DDX41: variants seen among roughly 807,000 people sequenced by gnomAD.
DDX41 encodes probable ATP-dependent RNA helicase DDX41.
DDX41 carries 50 observed loss-of-function variants against 78.8 expected under a neutral mutation model. The ratio of observed to expected loss-of-function variants is 0.63; its 90% CI spans 0.51 to 0.80. The LOEUF (loss-of-function observed/expected upper bound fraction) is 0.80, where lower values mean the gene tolerates loss of function less well. Ranked by LOEUF, DDX41 falls within the 30% of genes least tolerant of loss-of-function variation. DDX41 has a pLI of 0.00. For synonymous variants in DDX41, 381 were observed against 321.5 expected (o/e 1.19, Z -1.98); for missense variants, 633 against 849.2 (o/e 0.75, Z 3.16).
Position 177,513,532 on chromosome 5 carries a change from G to A in DDX41, c.1099-48C>T. On this transcript the variant is annotated intron_variant, in intron 10 of 16. Coordinates refer to ENST00000330503, the MANE Select transcript of DDX41 (RefSeq NM_016222.4). This position sits in a 1 kb window ranked among gnomAD's most constrained non-coding sequence, Gnocchi z 4.6. ...CCAAGGGCACACAGGGCTGGGCTGAGGGGCATGGGGTCTGGGGAAGCTGAG... is the reference window on the plus strand; with the variant it reads ...CCAAGGGCACACAGGGCTGGGCTGAAGGGCATGGGGTCTGGGGAAGCTGAG... 6.2e-7 allele frequency: 1 copy of A among 1,613,616 alleles called. No homozygotes were observed. The highest frequency in any genetic ancestry group is 8.5e-7 in the Non-Finnish European group (1 of 1,179,810).
intron 6 of DDX41, 132 bp from the exon 7 acceptor site, chr5:177,515,390 G>GAGA: frequency 7.0e-6 from 7 of 993,910 alleles, no homozygotes; most frequent in African/African-American, 1.6e-5. Context: ...GAGAGAGAGT[G>GAGA]GAAAAAAAAA....
Position 177,511,835 on chromosome 5 carries a change from T to C in DDX41, c.1825A>G (p.Ile609Val), listed in dbSNP as rs759638837. The change falls in exon 17 of 17, where the codon ATC becomes GTC. Residue 609 changes from isoleucine to valine, a missense_variant. By Grantham distance (29) the Ile-to-Val change is conservative. Transcript: ENST00000330503. ...TGGGCCAGGTAGTCCTTGCGACCGA[T>C]GTTGCTGACCTGCTTGGTCTGCATA... ...EAMQTKQVSN[I>V]GRKDYLAHSS... is the part of the protein sequence containing the mutation. The C allele has an allele frequency of 2.5e-6, 4 of 1,614,142 alleles. No homozygotes were observed. Among genetic ancestry groups the C allele is most frequent in the Non-Finnish European group, 3.4e-6 (4 of 1,180,016 alleles).
Position 177,513,245 on chromosome 5 carries a change from AACCCCCGGTTCCCACAAGGTGG to A in DDX41, c.1230+86_1230+107del. 6.4e-6 allele frequency: 10 copies of A among 1,562,898 alleles called. No homozygotes were observed. The South Asian group carries it at 1.2e-4, about 18-fold the overall frequency. ...GTTAAGCGTCAGGGGCTTTGAATGAAACCCCCGGTTCCCACAAGGTGGACCCCCGGCTCCAATCAGCTTCAGG... is the reference window on the plus strand; with the variant it reads ...GTTAAGCGTCAGGGGCTTTGAATGAAACCCCCGGCTCCAATCAGCTTCAGG... On this transcript the variant is annotated intron_variant, in intron 11 of 16. Transcript: ENST00000330503. This position sits in a 1 kb window ranked among gnomAD's most constrained non-coding sequence, Gnocchi z 4.6.
chr5:177,515,823 T>G lies in DDX41; in HGVS notation c.435-2A>C, dbSNP rs201388561. On this transcript the variant is annotated splice_acceptor_variant, in intron 5 of 16. Coordinates refer to ENST00000330503, the MANE Select transcript of DDX41 (RefSeq NM_016222.4). LOFTEE classifies it high-confidence loss of function. ...AGAACATAACGGGGTGGAGTCCAGC[T>G]GTGGATGGGTAACAGGGATCAAGAG... 1.4e-5 allele frequency: 23 copies of G among 1,614,184 alleles called. No individual in the cohort carries two copies. Among genetic ancestry groups the G allele is most frequent in the Non-Finnish European group, 1.9e-5 (23 of 1,180,030 alleles).
rs1031559373 is a variant in DDX41 at position 177,512,343 on chromosome 5, T to C, written c.1600A>G (p.Thr534Ala). The change falls in exon 15 of 17, where the codon ACC (threonine) becomes GCC (alanine). Residue 534 changes from threonine to alanine, a missense_variant. Transcript: ENST00000330503. ...TCACCACACGCTTTGTTGATGAAGG[T>C]AGTGGCGATGCCTGTGTTTCCCGAG... ...GRSGNTGIAT[T>A]FINKACDESV... 2 of 1,613,920 alleles carry C rather than the reference T, an allele frequency of 1.2e-6. No homozygotes were observed. Among genetic ancestry groups the C allele is most frequent in the Non-Finnish European group, 1.7e-6 (2 of 1,179,956 alleles).
chr5:177,515,888 A>G (rs767398133), intron 5 of DDX41, 41 bp downstream of exon 5: 5 of 1,614,140 alleles, frequency 3.1e-6, no homozygotes, highest in Non-Finnish European at 4.2e-6. Flanking sequence ...CCCTGCATGT[A>G]CCATCCTAAG....
chr5:177,516,912 C>A lies in DDX41; in HGVS notation c.27+7G>T, dbSNP rs550711404. ...CCCACACGCGCGGGGTCTCGCCTCT[C>A]TCCTACCTTCCGTTCGGGTTCCGAC... On this transcript the variant is annotated splice_region_variant and intron_variant, in intron 1 of 16. Coordinates refer to ENST00000330503, the MANE Select transcript of DDX41 (RefSeq NM_016222.4). 1.2e-6 allele frequency: 2 copies of A among 1,613,036 alleles called. No individual in the cohort carries two copies. The highest frequency in any genetic ancestry group is 8.5e-7 in the Non-Finnish European group (1 of 1,180,008).
rs1488082170 is a variant in DDX41 at position 177,516,959 on chromosome 5, C to T, written c.-14G>A. On this transcript the variant is annotated 5_prime_UTR_variant, in exon 1 of 17. It removes an upstream start codon present in the reference 5' UTR. Transcript: ENST00000330503. ...CGACTCCTCCATTCTTTGCTGCACG[C>T]ATGCGCGCCACGGCGAAACCCCGCC... 2 of 1,607,624 alleles carry T rather than the reference C, an allele frequency of 1.2e-6. No individual in the cohort carries two copies. Among genetic ancestry groups the T allele is most frequent in the South Asian group, 1.1e-5 (1 of 90,968 alleles).
rs151196255 is a variant in DDX41 at position 177,515,794 on chromosome 5, G to A, written c.462C>T (p.Ser154=). ...TSWTPPRYVL[S]MSEERHERVR... ...CGCGCTCATGTCGCTCTTCAGACAT[G>A]CTCAGAACATAACGGGGTGGAGTCC... Residue 154 remains serine, a synonymous_variant, in exon 6 of 17, where the codon AGC becomes AGT. Transcript: ENST00000330503. The A allele has an allele frequency of 1.5e-5, 25 of 1,614,046 alleles. No individual in the cohort carries two copies. The highest frequency in any genetic ancestry group is 1.6e-4 in the Middle Eastern group (1 of 6,084).
chr5:177,513,720 C>T lies in DDX41; in HGVS notation c.1063G>A (p.Glu355Lys), dbSNP rs778864620. 7 of 1,613,668 alleles carry T rather than the reference C, an allele frequency of 4.3e-6. No individual in the cohort carries two copies. Among genetic ancestry groups the T allele is most frequent in the Non-Finnish European group, 5.9e-6 (7 of 1,180,008 alleles). Reference protein sequence around the residue: ...EADRMIDMGFEGDIRTIFSYF... With the variant: ...EADRMIDMGFKGDIRTIFSYF... ...GAGAAGATGGTACGGATGTCACCCT[C>T]GAAGCCCATGTCGATCATGCGGTCA... The change falls in exon 10 of 17, where the codon GAG becomes AAG. Residue 355 changes from glutamate to lysine, a missense_variant. By Grantham distance (56) the Glu-to-Lys change is moderately conservative. Around this residue, in one of 6 missense-constraint regions of DDX41, gnomAD observed 185 missense variants for 367.4 expected, o/e 0.50. Coordinates refer to ENST00000330503, the MANE Select transcript of DDX41 (RefSeq NM_016222.4). This position sits in a 1 kb window ranked among gnomAD's most constrained non-coding sequence, Gnocchi z 4.6.
At position 177,513,614 on chromosome 5, in the gene DDX41, G is replaced by T. The variant is rs761265581; in HGVS notation, c.1098+71C>A. The T allele has an allele frequency of 2.5e-6, 4 of 1,603,812 alleles. No homozygotes were observed. The highest frequency in any genetic ancestry group is 2.6e-6 in the Non-Finnish European group (3 of 1,172,714). On this transcript the variant is annotated intron_variant, in intron 10 of 16. Transcript: ENST00000330503. The surrounding 1 kb of genome is among the most constrained non-coding windows in gnomAD (Gnocchi z 4.6). Reference sequence around the variant, plus strand: ...GTGGGTTGGGGTGGCCAGGGGCATGGGGTCCCTGCAGTCTGATGTGGCGTG... The same window carrying T: ...GTGGGTTGGGGTGGCCAGGGGCATGTGGTCCCTGCAGTCTGATGTGGCGTG...
rs201039108 is a variant in DDX41, at chr5:177,513,071, A to G, written c.1242T>C (p.Tyr414=). Residue 414 remains tyrosine (Y), a synonymous_variant, in exon 12 of 17, where the codon TAT becomes TAC. Transcript: ENST00000330503. The surrounding 1 kb of genome is among the most constrained non-coding windows in gnomAD (Gnocchi z 4.6). The part of the protein sequence containing the change: ...ASLDVIQEVE[Y]VKEEAKMVYL... The stretch of plus-strand genomic sequence containing the variant: ...ACACCATCTTGGCCTCCTCCTTCAC[A>G]TATTCTACCTCCTGCCACCACAAAG... 9.4e-5 allele frequency: 151 copies of G among 1,613,662 alleles called. No individual in the cohort carries two copies. In the East Asian group the frequency reaches 2.1e-3, roughly 22 times the overall value.
intron 2 of DDX41, 131 bp downstream of exon 2, chr5:177,516,594 T>G: frequency 2.9e-6 from 4 of 1,380,536 alleles, no homozygotes; most frequent in Non-Finnish European, 4.0e-6. Context: ...CTCGTTTGTC[T>G]GGGGGCCGCG....
chr5:177,514,776 T>A lies in DDX41; in HGVS notation c.860A>T (p.Asp287Val), dbSNP rs767306529. Residue 287 changes from aspartate to valine, a missense_variant, in exon 9 of 17, where the codon GAC becomes GTC. Transcript: ENST00000330503. This position sits in a 1 kb window ranked among gnomAD's most constrained non-coding sequence, Gnocchi z 4.2. ...GGCGCAGCGCAGGAGTGGTGAGCTG[T>A]CCTCCTGCAGCAGGCGGCAGTAGTA... ...LEYYCRLLQEDSSPLLRCALC... is the reference protein window; with the variant it reads ...LEYYCRLLQEVSSPLLRCALC... 1.9e-6 allele frequency: 3 copies of A among 1,612,850 alleles called. No individual in the cohort carries two copies. Among genetic ancestry groups the A allele is most frequent in the South Asian group, 2.2e-5 (2 of 91,086 alleles).
chr5:177,515,914 A>G lies in DDX41; in HGVS notation c.434+15T>C. On this transcript the variant is annotated intron_variant, in intron 5 of 16. Transcript: ENST00000330503. ...CCATCCTAAGCAAGGGCAACTGCAG[A>G]CTGTACAGACATACCTGGTTTTGAT... is the stretch of plus-strand genomic sequence containing the variant. 1 of 1,614,202 alleles carries G rather than the reference A, an allele frequency of 6.2e-7. No homozygotes were observed. Among genetic ancestry groups the G allele is most frequent in the East Asian group, 2.2e-5 (1 of 44,890 alleles).
Position 177,515,838 on chromosome 5 carries a change from G to A in DDX41, c.435-17C>T. ...GGAGTCCAGCTGTGGATGGGTAACAGGGATCAAGAGAGCCCTGGGAATAGC... is the reference window on the plus strand; with the variant it reads ...GGAGTCCAGCTGTGGATGGGTAACAAGGATCAAGAGAGCCCTGGGAATAGC... On this transcript the variant is annotated splice_polypyrimidine_tract_variant and intron_variant, in intron 5 of 16. Coordinates refer to ENST00000330503, the MANE Select transcript of DDX41 (RefSeq NM_016222.4). 4 of 1,614,192 alleles carry A rather than the reference G, an allele frequency of 2.5e-6. No homozygotes were observed. The highest frequency in any genetic ancestry group is 3.4e-6 in the Non-Finnish European group (4 of 1,180,040).
chr5:177,515,868 C>T, intron 5 of DDX41, 47 bp from the exon 6 acceptor site: 2 of 1,614,124 alleles, frequency 1.2e-6, no homozygotes, highest in Middle Eastern at 1.6e-4. Context: ...AATAGCTGGC[C>T]TGGGAGCATC....
rs1421758017 is a variant in DDX41 at position 177,514,635 on chromosome 5, G to C, written c.935+66C>G. Reference sequence around the variant, plus strand: ...GATCTGTGGAGTGGCTAAGGTAAAGGGTCCTTTAGCTTTTCCACAGACTCG... The same window carrying C: ...GATCTGTGGAGTGGCTAAGGTAAAGCGTCCTTTAGCTTTTCCACAGACTCG... On this transcript the variant is annotated intron_variant, in intron 9 of 16. Transcript: ENST00000330503. This position sits in a 1 kb window ranked among gnomAD's most constrained non-coding sequence, Gnocchi z 4.2. 2.3e-5 allele frequency: 36 copies of C among 1,553,918 alleles called. No individual in the cohort carries two copies. Among genetic ancestry groups the C allele is most frequent in the Non-Finnish European group, 3.1e-5 (36 of 1,149,774 alleles).
chr5:177,516,477 G>A (rs763779808), intron 2 of DDX41, 30 bp from the exon 3 acceptor site: 9 of 1,610,700 alleles, frequency 5.6e-6, no homozygotes, highest in African/African-American at 4.0e-5. Context: ...CCACAGATAG[G>A]ATGGGCATGG....
Sources: allele counts gnomAD v4.1 joint callset, GRCh38; gene constraint gnomAD v4.1.1; regional missense constraint gnomAD v4.1.1; non-coding constraint Gnocchi (gnomAD v3.1); transcripts MANE v1.5; gene names NCBI Gene and HGNC (gene_info 2026-07-23, HGNC 2026-07-21).